Variants in SNTG2 observed in about 807,000 individuals in gnomAD.
The protein encoded by SNTG2 is syntrophin gamma 2.
SNTG2 carries 74 observed loss-of-function variants against 70.9 expected under a neutral mutation model. The observed-to-expected ratio is 1.04, with a 90% CI of 0.86 to 1.27. The LOEUF is 1.27. SNTG2 is among the 50% of genes most tolerant of loss of function. The pLI, the probability that SNTG2 is intolerant of heterozygous loss-of-function variation, is 0.00. For missense variants in SNTG2, 717 were observed against 690.7 expected, an observed-to-expected ratio of 1.04 and a Z score of -0.43; for synonymous variants, 278 against 273.8, an observed-to-expected ratio of 1.02 and a Z score of -0.15.
intron 1 of SNTG2, among the ~76,000 whole-genome samples, chr2:1,008,310 T>C (rs892935673): frequency 9.9e-5 from 15 of 152,234 alleles, no homozygotes; most frequent in African/African-American, 3.6e-4. Context: ...ATTCCAGTAA[T>C]TTTACATCTA....
At chr2:1,328,858 C>G (rs1681868598) in intron 16 of SNTG2, among the ~76,000 whole-genome samples, 1 of 151,824 alleles carries the variant, frequency 6.6e-6, no homozygotes, top group Non-Finnish European at 1.5e-5. Flanking sequence ...CACACAGATG[C>G]ATACACACAC....
chr2:1,324,431 A>C (rs1681679029), intron 16 of SNTG2, among the ~76,000 whole-genome samples: 1 of 152,236 alleles, frequency 6.6e-6, no homozygotes, highest in African/African-American at 2.4e-5. Flanking sequence ...ATTTTAATAA[A>C]GAAGAAAATT....
intron 16 of SNTG2, among the ~76,000 whole-genome samples, chr2:1,332,271 A>G (rs958851742): frequency 1.2e-4 from 18 of 152,244 alleles, no homozygotes; most frequent in African/African-American, 3.9e-4. Flanking sequence ...AGAACTTACT[A>G]TAATGTTACC....
intron 16 of SNTG2, among the ~76,000 whole-genome samples, chr2:1,325,619 A>T (rs562270271): frequency 1.3e-5 from 2 of 152,282 alleles, no homozygotes; most frequent in African/African-American, 4.8e-5. Context: ...TGTACTTGTG[A>T]TCCTTCGTTC....
chr2:1,198,485 A>G (rs578145768), intron 8 of SNTG2, among the ~76,000 whole-genome samples: 3 of 152,172 alleles, frequency 2.0e-5, no homozygotes, highest in Admixed American at 6.5e-5. Flanking sequence ...AAAGTCAAGT[A>G]AACAACCTTA....
At chr2:979,531 G>A (rs906319855) in intron 1 of SNTG2, among the ~76,000 whole-genome samples, 3 of 152,114 alleles carry the variant, frequency 2.0e-5, no homozygotes, top group African/African-American at 4.8e-5. Flanking sequence ...AGCTCCTCTC[G>A]GTGACCTGTC....
At chr2:1,068,816 A>C (rs746707219) in intron 1 of SNTG2, among the ~76,000 whole-genome samples, 3 of 152,222 alleles carry the variant, frequency 2.0e-5, no homozygotes, top group Non-Finnish European at 4.4e-5. Context: ...TCAGCTTGTG[A>C]CGTACTATGT....
rs543537021 is a variant in SNTG2 at position 1,065,006 on chromosome 2, C to T, written c.73-18512C>T. Among the ~76,000 whole-genome samples the T allele has an allele frequency of 1.2e-4, 18 of 152,250 alleles. No homozygotes were observed. The East Asian group carries it at 2.5e-3, about 21-fold the overall frequency. Reference sequence around the variant, plus strand: ...CATTGTGGAGCAATTTCATATCAGACGCGGTGGATTGTGGGAAGGAGATTT... The same window carrying T: ...CATTGTGGAGCAATTTCATATCAGATGCGGTGGATTGTGGGAAGGAGATTT... On this transcript the variant is annotated intron_variant, in intron 1 of 16. Coordinates refer to ENST00000308624, the MANE Select transcript of SNTG2 (RefSeq NM_018968.4).
At chr2:1,247,195 C>G in intron 11 of SNTG2, 132 bp from the exon 12 acceptor site, 1 of 593,300 alleles carries the variant, frequency 1.7e-6, no homozygotes. Context: ...TTGGACATCT[C>G]CACGTTTCTC....
intron 1 of SNTG2, among the ~76,000 whole-genome samples, chr2:1,015,839 C>T (rs1355769570): frequency 1.3e-5 from 2 of 152,178 alleles, no homozygotes; most frequent in African/African-American, 4.8e-5. Flanking sequence ...CCTTCGCTCC[C>T]AGCAGGATGT....
chr2:1,358,856 G>A (rs544425494), intron 16 of SNTG2, among the ~76,000 whole-genome samples: 1 of 152,108 alleles, frequency 6.6e-6, no homozygotes, highest in Non-Finnish European at 1.5e-5. Flanking sequence ...TACCTGTTCA[G>A]TCTATAGTGT....
chr2:1,167,922 A>G (rs549597241), intron 7 of SNTG2, among the ~76,000 whole-genome samples: 19 of 91,756 alleles, frequency 2.1e-4, no homozygotes, highest in East Asian at 7.9e-4. Flanking sequence ...GAAGCCTAGA[A>G]GCCGCCCACA....
chr2:1,065,687 A>G (rs987053359), intron 1 of SNTG2, among the ~76,000 whole-genome samples: 1 of 151,500 alleles, frequency 6.6e-6, no homozygotes, highest in African/African-American at 2.4e-5. Flanking sequence ...CTGTTTTATG[A>G]TACTCTGCTC....
intron 1 of SNTG2, among the ~76,000 whole-genome samples, chr2:1,011,680 CT>C (rs112242963): frequency 0.3 from 45,516 of 151,786 alleles, 7,261 homozygotes; most frequent in Admixed American, 0.42. Flanking sequence ...TAATTGCAGG[CT>C]TTTTTTGTTG....
chr2:1,136,828 A>T (rs1668416082), intron 4 of SNTG2, among the ~76,000 whole-genome samples: 2 of 152,200 alleles, frequency 1.3e-5, no homozygotes, highest in Admixed American at 6.5e-5. Context: ...TTATAGTCAA[A>T]CTTTCTCATA....
chr2:1,067,878 C>T (rs756789576), intron 1 of SNTG2, among the ~76,000 whole-genome samples: 1 of 152,146 alleles, frequency 6.6e-6, no homozygotes, highest in African/African-American at 2.4e-5. Flanking sequence ...GACAGTGCAT[C>T]GCTTTCCCCG....
intron 8 of SNTG2, among the ~76,000 whole-genome samples, chr2:1,187,216 C>T (rs995626793): frequency 6.6e-6 from 1 of 152,172 alleles, no homozygotes; most frequent in Non-Finnish European, 1.5e-5. Flanking sequence ...AGGATAATTG[C>T]ATTGGTTAAT....
At chr2:1,357,519 A>G (rs1269366110) in intron 16 of SNTG2, among the ~76,000 whole-genome samples, 3 of 152,126 alleles carry the variant, frequency 2.0e-5, no homozygotes, top group Non-Finnish European at 2.9e-5. Flanking sequence ...TATAAGGGCA[A>G]CTGTGGCCTT....
intron 4 of SNTG2, among the ~76,000 whole-genome samples, chr2:1,136,198 C>T (rs1285448663): frequency 5.9e-5 from 9 of 151,970 alleles, no homozygotes; most frequent in South Asian, 2.1e-4. Context: ...TCTGAGGCCC[C>T]GGCTTGAGAG....
Sources: allele counts gnomAD v4.1 joint callset (sites outside exome capture counted in the v4.1 genomes callset), GRCh38; gene constraint gnomAD v4.1.1; transcripts MANE v1.5; gene names NCBI Gene and HGNC (gene_info 2026-07-23, HGNC 2026-07-21).